RGS6: variants seen among roughly 807,000 people sequenced by gnomAD.
RGS6 encodes regulator of G-protein signaling 6.
In RGS6, 30 loss-of-function variants were observed where a neutral mutation model predicts 78.5. The ratio of observed to expected loss-of-function variants is 0.38; its 90% CI spans 0.29 to 0.52. RGS6 has a LOEUF of 0.52. RGS6 is among the 20% of genes least tolerant of loss of function. The pLI is 0.85. For missense variants in RGS6, 495 were observed against 609.7 expected, an observed-to-expected ratio of 0.81 and a Z score of 1.98; for synonymous variants, 206 against 206.0, an observed-to-expected ratio of 1.00 and a Z score of 0.00.
intron 3 of RGS6, among the ~76,000 whole-genome samples, chr14:72,355,211 T>A (rs1467329066): frequency 6.6e-6 from 1 of 151,762 alleles, no homozygotes; most frequent in Non-Finnish European, 1.5e-5. Flanking sequence ...TTTTTTTTTT[T>A]AGACAGAGTC....
rs1264330825 is a variant in RGS6 at position 72,297,960 on chromosome 14, C to G, written c.85-54135C>G. 2.6e-5 allele frequency among the ~76,000 whole-genome samples: 4 copies of G among 151,724 alleles called. No individual in the cohort carries two copies. The South Asian group carries it at 6.2e-4, about 24-fold the overall frequency. On this transcript the variant is annotated intron_variant, in intron 2 of 17. Coordinates refer to ENST00000553525, the MANE Select transcript of RGS6 (RefSeq NM_001204424.2). ...TTGAAGATTATAGAATTTTATGTATCTACCAGGTTTGCTAATTTGTTTTAG... is the reference window on the plus strand; with the variant it reads ...TTGAAGATTATAGAATTTTATGTATGTACCAGGTTTGCTAATTTGTTTTAG...
At chr14:72,282,211 G>T (rs1198405149) in intron 2 of RGS6, among the ~76,000 whole-genome samples, 6 of 152,136 alleles carry the variant, frequency 3.9e-5, no homozygotes. Context: ...GGATGTGATG[G>T]CTGTTTGGTC....
At chr14:72,211,903 TA>T (rs2044262240) in intron 2 of RGS6, among the ~76,000 whole-genome samples, 1 of 152,166 alleles carries the variant, frequency 6.6e-6, no homozygotes, top group Non-Finnish European at 1.5e-5. Flanking sequence ...TATGTGCAAT[TA>T]AAATTAGAAA....
At chr14:71,870,937 C>A in the RGS6 span, among the ~76,000 whole-genome samples, 1 of 152,150 alleles carries the variant, frequency 6.6e-6, no homozygotes, top group African/African-American at 2.4e-5. Flanking sequence ...CTGGGGCTGG[C>A]AGAGATTGTG....
At chr14:71,900,040 T>A in the RGS6 span, among the ~76,000 whole-genome samples, 1 of 152,182 alleles carries the variant, frequency 6.6e-6, no homozygotes, top group Non-Finnish European at 1.5e-5. Context: ...TGTAGCGGAG[T>A]TTATGACCTT....
the RGS6 span, among the ~76,000 whole-genome samples, chr14:71,872,983 A>G: frequency 6.6e-6 from 1 of 152,082 alleles, no homozygotes. Context: ...AACCTTTTTT[A>G]TGGCTGCATA....
intron 2 of RGS6, among the ~76,000 whole-genome samples, chr14:72,203,783 T>C (rs2153743045): frequency 6.6e-6 from 1 of 151,434 alleles, no homozygotes; most frequent in Middle Eastern, 3.4e-3. Flanking sequence ...TGATAAAATA[T>C]ACACAACATT....
At chr14:72,410,350 G>A (rs1223834939) in intron 3 of RGS6, among the ~76,000 whole-genome samples, 3 of 152,152 alleles carry the variant, frequency 2.0e-5, no homozygotes, top group African/African-American at 7.2e-5. Flanking sequence ...GTGTTCTTTG[G>A]CTGCATAAAT....
chr14:72,116,639 G>C (rs540312062), intron 2 of RGS6, among the ~76,000 whole-genome samples: 6 of 152,208 alleles, frequency 3.9e-5, no homozygotes, highest in Admixed American at 3.3e-4. Flanking sequence ...ATACCACTGA[G>C]ATACTTTCAG....
intron 3 of RGS6, among the ~76,000 whole-genome samples, chr14:72,354,342 G>T (rs112010430): frequency 6.6e-6 from 1 of 151,802 alleles, no homozygotes; most frequent in Non-Finnish European, 1.5e-5. Flanking sequence ...AGCTAGATAG[G>T]GGGCCGGGTG....
At chr14:72,082,196 G>T (rs530794657) in intron 2 of RGS6, among the ~76,000 whole-genome samples, 1 of 152,164 alleles carries the variant, frequency 6.6e-6, no homozygotes, top group East Asian at 1.9e-4. Context: ...GCATGTCATT[G>T]GTATTGTGAT....
At chr14:72,396,829 A>T (rs910608972) in intron 3 of RGS6, among the ~76,000 whole-genome samples, 2 of 152,128 alleles carry the variant, frequency 1.3e-5, no homozygotes, top group African/African-American at 4.8e-5. Context: ...TCTTTTTGTC[A>T]GGTTTGTCAA....
At chr14:72,040,854 ACTC>A (rs1181358751) in intron 2 of RGS6, among the ~76,000 whole-genome samples, 2 of 151,528 alleles carry the variant, frequency 1.3e-5, no homozygotes, top group Non-Finnish European at 2.9e-5. Context: ...GTGCTGTTAA[ACTC>A]CTCTGGTAAA....
chr14:71,886,731 G>A, the RGS6 span, among the ~76,000 whole-genome samples: 1 of 152,196 alleles, frequency 6.6e-6, no homozygotes, highest in Non-Finnish European at 1.5e-5. Context: ...CTTGAAGGCT[G>A]CTAGGTATAT....
chr14:72,476,568 G>A (rs1181847764), intron 10 of RGS6, among the ~76,000 whole-genome samples, 174 bp from the exon 11 acceptor site: 1 of 152,244 alleles, frequency 6.6e-6, no homozygotes, highest in Non-Finnish European at 1.5e-5. Flanking sequence ...CCAAAGATGA[G>A]ATGACATGCC....
At chr14:72,104,955 AAC>A (rs1326222031) in intron 2 of RGS6, among the ~76,000 whole-genome samples, 10 of 152,198 alleles carry the variant, frequency 6.6e-5, no homozygotes, top group Non-Finnish European at 1.5e-4. Flanking sequence ...TAGATTATTA[AAC>A]ACACAAATAT....
intron 2 of RGS6, among the ~76,000 whole-genome samples, chr14:71,972,599 A>G (rs1355409672): frequency 6.6e-6 from 1 of 152,168 alleles, no homozygotes; most frequent in Non-Finnish European, 1.5e-5. Flanking sequence ...GGGGAAGTCA[A>G]TGTGGAGAAG....
intron 3 of RGS6, among the ~76,000 whole-genome samples, chr14:72,426,315 G>A (rs2094433294): frequency 1.3e-5 from 2 of 152,176 alleles, no homozygotes; most frequent in African/African-American, 4.8e-5. Context: ...TTAATAAAGA[G>A]TAAGACTGGC....
chr14:72,537,519 T>C (rs2097266382), intron 16 of RGS6: 1 of 702,192 alleles, frequency 1.4e-6, no homozygotes, highest in African/African-American at 1.7e-5. Flanking sequence ...TCCCCACAGG[T>C]GTGGCTACTG....
Sources: gnomAD v4.1 joint callset for allele counts (sites outside exome capture counted in the v4.1 genomes callset) on GRCh38, gnomAD v4.1.1 for gene constraint, MANE v1.5 for transcripts, NCBI Gene and HGNC (gene_info 2026-07-23, HGNC 2026-07-21) for gene names.